TBC1D1: variants seen among roughly 807,000 people sequenced by gnomAD.
TBC1D1 encodes the protein TBC1 domain family member 1.
TBC1D1 carries 89 observed loss-of-function variants against 125.6 expected under a neutral mutation model. That is an observed-to-expected ratio of 0.71 (90% CI 0.60 to 0.85). The LOEUF is 0.85. TBC1D1 is among the 40% of genes least tolerant of loss of function. TBC1D1 has a pLI of 0.00. For missense variants in TBC1D1, 1,377 were observed against 1,469.2 expected (o/e 0.94, Z 1.03); for synonymous variants, 565 against 564.1 (o/e 1.00, Z -0.02).
At chr4:38,035,310 T>C (rs1467142009) in intron 7 of TBC1D1, among the ~76,000 whole-genome samples, 1 of 152,254 alleles carries the variant, frequency 6.6e-6, no homozygotes, top group African/African-American at 2.4e-5. Context: ...TTTTAAAAAC[T>C]ATTTATTTGT....
At chr4:37,920,318 G>A (rs1260514833) in intron 2 of TBC1D1, among the ~76,000 whole-genome samples, 1 of 152,148 alleles carries the variant, frequency 6.6e-6, no homozygotes, top group Admixed American at 6.5e-5. Flanking sequence ...GTAGAGTTCT[G>A]TGCAGGCCAC....
intron 2 of TBC1D1, among the ~76,000 whole-genome samples, chr4:37,926,994 G>A (rs1401162087): frequency 6.6e-6 from 1 of 152,096 alleles, no homozygotes; most frequent in Non-Finnish European, 1.5e-5. Flanking sequence ...GCGCATGCCT[G>A]TAACCCCAAT....
chr4:37,994,705 A>T (rs1737392770), intron 2 of TBC1D1, among the ~76,000 whole-genome samples: 1 of 152,184 alleles, frequency 6.6e-6, no homozygotes, highest in Non-Finnish European at 1.5e-5. Context: ...ACCAAAAATG[A>T]AACTTGCCGT....
intron 7 of TBC1D1, 33 bp downstream of exon 7, chr4:38,027,912 GA>G: frequency 2.7e-6 from 4 of 1,470,268 alleles, no homozygotes; most frequent in East Asian, 2.4e-5. Context: ...TAGAAGGAAA[GA>G]AAAGGCAGGC....
intron 2 of TBC1D1, chr4:37,952,304 T>G (rs1728047928): frequency 1.9e-6 from 1 of 534,346 alleles, no homozygotes; most frequent in Non-Finnish European, 3.4e-6. Flanking sequence ...TCTGTTGACT[T>G]GGGGAAAGGG....
intron 2 of TBC1D1, among the ~76,000 whole-genome samples, chr4:37,913,608 A>AAT (rs138412749): frequency 0.32 from 47,374 of 149,320 alleles, 7,361 homozygotes; most frequent in South Asian, 0.35. Context: ...TCAAAAAATA[A>AAT]ATATATATAT....
chr4:38,104,159 C>CA (rs71658758), intron 15 of TBC1D1, among the ~76,000 whole-genome samples: 3,527 of 83,598 alleles, frequency 0.042, 259 homozygotes, highest in East Asian at 0.11. Context: ...GACTCTGTCT[C>CA]AAAAAAAAAA....
rs1182036934 is a variant in TBC1D1 at position 38,137,203 on chromosome 4, G to A, written c.3375G>A (p.Leu1125=). The A allele has an allele frequency of 6.2e-7, 1 of 1,613,168 alleles. No individual in the cohort carries two copies. The highest frequency in any genetic ancestry group is 1.3e-5 in the African/African-American group (1 of 75,020). Residue 1125 remains leucine, a synonymous_variant, in exon 20 of 20, where the codon CTG becomes CTA. Transcript: ENST00000261439. ...AGCTCCTGAGCAGTGAGAGCAAGCT[G>A]AAGCAGGCCATGCTTACCTTAGAAC...
rs548221968 is a variant in TBC1D1 at position 37,908,240 on chromosome 4, C to G, written c.417+5728C>G. Among the ~76,000 whole-genome samples, 7 of 152,218 alleles carry G rather than the reference C, an allele frequency of 4.6e-5. No individual in the cohort carries two copies. In the East Asian group the frequency reaches 1.2e-3, roughly 25 times the overall value. On this transcript the variant is annotated intron_variant, in intron 2 of 19. Coordinates refer to ENST00000261439, the MANE Select transcript of TBC1D1 (RefSeq NM_015173.4). ...TAAGCGCCTTTTTTGGGGGGTCTCT[C>G]TGTCGCCCAGGCTGGAATGCAGTCG...
intron 2 of TBC1D1, among the ~76,000 whole-genome samples, chr4:37,983,618 G>C (rs1021690965): frequency 2.0e-5 from 3 of 152,094 alleles, no homozygotes; most frequent in African/African-American, 7.2e-5. Context: ...CTCAAGCTTT[G>C]TGATTTTCAT....
chr4:37,934,356 A>T (rs1383181865), intron 2 of TBC1D1, among the ~76,000 whole-genome samples: 1 of 152,176 alleles, frequency 6.6e-6, no homozygotes, highest in East Asian at 1.9e-4. Flanking sequence ...GGCTCCCCAG[A>T]CAACCCAGGC....
chr4:37,972,025 TG>T (rs1732129059), intron 2 of TBC1D1, among the ~76,000 whole-genome samples: 1 of 152,234 alleles, frequency 6.6e-6, no homozygotes. Flanking sequence ...CCCAATCATC[TG>T]AGACCCTCTA....
intron 2 of TBC1D1, among the ~76,000 whole-genome samples, chr4:37,946,866 G>A (rs1726799084): frequency 6.6e-6 from 1 of 152,176 alleles, no homozygotes; most frequent in African/African-American, 2.4e-5. Flanking sequence ...ATTTACCCAA[G>A]AGAAAGGAAA....
At chr4:38,000,059 C>A (rs532868762) in intron 2 of TBC1D1, among the ~76,000 whole-genome samples, 2 of 152,276 alleles carry the variant, frequency 1.3e-5, no homozygotes, top group South Asian at 4.2e-4. Context: ...GTTTGCTCTT[C>A]ATGTTGATTT....
intron 2 of TBC1D1, among the ~76,000 whole-genome samples, chr4:37,958,144 A>G (rs1029105299): frequency 4.6e-5 from 7 of 152,242 alleles, no homozygotes; most frequent in Non-Finnish European, 1.5e-5. Context: ...TTTCAAAAAC[A>G]TATGCTAAGA....
chr4:38,123,094 A>G (rs1441697614), intron 17 of TBC1D1, among the ~76,000 whole-genome samples: 1 of 152,158 alleles, frequency 6.6e-6, no homozygotes, highest in East Asian at 1.9e-4. Context: ...TTTCCCAGTA[A>G]TTGTTTATTT....
chr4:37,964,341 G>A (rs1206650194), intron 2 of TBC1D1, among the ~76,000 whole-genome samples: 2 of 152,170 alleles, frequency 1.3e-5, no homozygotes, highest in South Asian at 2.1e-4. Flanking sequence ...AAGGAGGGTC[G>A]GGGCGCTGTA....
At position 38,137,366 on chromosome 4, in the gene TBC1D1, C is replaced by T; in HGVS notation, c.*31C>T. On this transcript the variant is annotated 3_prime_UTR_variant, in exon 20 of 20. Transcript: ENST00000261439. ...CTGCAGGAGAGATTGCAACACCATC[C>T]CACACTGTCCAGGCCTTAACTGAGA... 2 of 1,597,986 alleles carry T rather than the reference C, an allele frequency of 1.3e-6. No individual in the cohort carries two copies. The highest frequency in any genetic ancestry group is 1.7e-6 in the Non-Finnish European group (2 of 1,175,062).
rs1276727896 is a variant in TBC1D1, at chr4:37,977,419, C to T, written c.418-37090C>T. On this transcript the variant is annotated intron_variant, in intron 2 of 19. Coordinates refer to ENST00000261439, the MANE Select transcript of TBC1D1 (RefSeq NM_015173.4). This position sits in a 1 kb window ranked among gnomAD's most constrained non-coding sequence, Gnocchi z 4.3. ...CCGGCCCCGCCGCTCCCCAAGCCCG[C>T]CCCCGGCCGCCCGCGGGCCCACGGG... is the stretch of plus-strand genomic sequence containing the variant. The T allele has an allele frequency of 3.3e-6, 3 of 918,920 alleles. No individual in the cohort carries two copies. The highest frequency in any genetic ancestry group is 1.8e-5 in the African/African-American group (1 of 55,260). 56.9% of individuals were successfully genotyped at this position (918,920 alleles called of 1,614,324 possible). A position where few individuals can be genotyped will look rare whatever the true frequency, so the allele number is the denominator to read the frequency against.
Sources: allele counts gnomAD v4.1 joint callset (sites outside exome capture counted in the v4.1 genomes callset), GRCh38; gene constraint gnomAD v4.1.1; non-coding constraint Gnocchi (gnomAD v3.1); transcripts MANE v1.5; gene names NCBI Gene and HGNC (gene_info 2026-07-23, HGNC 2026-07-21).